The following HMGCLL1 variants were observed in gnomAD, a reference collection of about 807,000 sequenced individuals.
HMGCLL1 encodes the protein 3-hydroxy-3-methylglutaryl-CoA lyase like 1, also known as 3-hydroxymethyl-3-methylglutaryl-CoA lyase, cytoplasmic.
In HMGCLL1, 36 loss-of-function variants were observed where a neutral mutation model predicts 39.1. The observed-to-expected ratio is 0.92, with a 90% CI of 0.71 to 1.22. The LOEUF (loss-of-function observed/expected upper bound fraction) is 1.22. Ranked by LOEUF, HMGCLL1 falls within the 50% of genes most tolerant of loss-of-function variation. The probability of loss-of-function intolerance (pLI) is 0.00; values close to 1 mark genes in which losing one functional copy is unlikely to be tolerated. For synonymous variants in HMGCLL1, 149 were observed against 144.0 expected (o/e 1.03, Z -0.25); for missense variants, 451 against 416.5 (o/e 1.08, Z -0.72).
At chr6:55,514,372 A>C (rs2127436456) in intron 4 of HMGCLL1, among the ~76,000 whole-genome samples, 176 bp from the exon 5 acceptor site, 1 of 152,284 alleles carries the variant, frequency 6.6e-6, no homozygotes, top group South Asian at 2.1e-4. Context: ...ATGTAAAAAT[A>C]TTTTGTAATA....
chr6:55,512,420 T>C (rs112850610), intron 5 of HMGCLL1: 4 of 152,258 alleles, frequency 2.6e-5, no homozygotes, highest in African/African-American at 7.2e-5. Context: ...TCCTTTTTGA[T>C]TGTGGTTTTG....
the HMGCLL1 span, among the ~76,000 whole-genome samples, chr6:55,590,833 T>C: frequency 0.071 from 10,737 of 152,032 alleles, 441 homozygotes; most frequent in East Asian, 0.11. Context: ...TCATGCCAGT[T>C]CTCCAAGGGC....
chr6:55,678,476 T>C, the HMGCLL1 span, among the ~76,000 whole-genome samples: 9 of 152,086 alleles, frequency 5.9e-5, no homozygotes, highest in Admixed American at 2.0e-4. Flanking sequence ...TGACTGGAAG[T>C]GATGTAATAG....
intron 7 of HMGCLL1, among the ~76,000 whole-genome samples, chr6:55,489,396 T>A (rs1307156491): frequency 6.6e-6 from 1 of 151,770 alleles, no homozygotes; most frequent in Non-Finnish European, 1.5e-5. Flanking sequence ...GAAATTTCCA[T>A]CTCTTATGCC....
the HMGCLL1 span, among the ~76,000 whole-genome samples, chr6:55,651,714 C>A: frequency 6.6e-6 from 1 of 152,028 alleles, no homozygotes; most frequent in Non-Finnish European, 1.5e-5. Context: ...CCTAGGACCC[C>A]AGAGCACTTC....
chr6:55,502,491 T>G (rs13197720), intron 5 of HMGCLL1, among the ~76,000 whole-genome samples: 1 of 151,798 alleles, frequency 6.6e-6, no homozygotes, highest in South Asian at 2.1e-4. Context: ...CTACTAACCT[T>G]ACTTTTACAA....
chr6:55,581,926 A>G (rs1771993007), upstream of HMGCLL1, among the ~76,000 whole-genome samples: 1 of 152,172 alleles, frequency 6.6e-6, no homozygotes. Context: ...TATGTACAAA[A>G]GCATTCAATT....
At chr6:55,612,824 A>G in the HMGCLL1 span, among the ~76,000 whole-genome samples, 610 of 152,276 alleles carry the variant, frequency 4.0e-3, 5 homozygotes, top group Middle Eastern at 0.01. Context: ...ACTTAAATGT[A>G]AAACCCAAAA....
At chr6:55,650,090 C>CATATATATATACAT in the HMGCLL1 span, among the ~76,000 whole-genome samples, 1 of 52,300 alleles carries the variant, frequency 1.9e-5, no homozygotes, top group African/African-American at 6.8e-5. Context: ...CACACATATA[C>CATATATATATACAT]ATATATATAT....
intron 5 of HMGCLL1, among the ~76,000 whole-genome samples, chr6:55,506,559 C>T (rs906929824): frequency 1.8e-4 from 27 of 151,698 alleles, no homozygotes; most frequent in Admixed American, 2.6e-4. Flanking sequence ...TTGTGGGCCA[C>T]TCTGAATAAC....
chr6:55,577,058 T>G (rs1218443992), intron 1 of HMGCLL1: 1 of 1,613,694 alleles, frequency 6.2e-7, no homozygotes, highest in Non-Finnish European at 8.5e-7. Context: ...TAGATAGTGA[T>G]GGGGCATCTG....
chr6:55,590,789 T>C, the HMGCLL1 span, among the ~76,000 whole-genome samples: 1 of 151,986 alleles, frequency 6.6e-6, no homozygotes, highest in Admixed American at 6.6e-5. Flanking sequence ...AAAGTATTTA[T>C]TTTGAAATTC....
chr6:55,524,909 C>T (rs1039464490), intron 3 of HMGCLL1, among the ~76,000 whole-genome samples: 1 of 151,524 alleles, frequency 6.6e-6, no homozygotes, highest in East Asian at 1.9e-4. Flanking sequence ...GAGGAATAAA[C>T]TGTAACAGCA....
intron 5 of HMGCLL1, among the ~76,000 whole-genome samples, chr6:55,510,205 C>T (rs911761394): frequency 2.0e-5 from 3 of 151,760 alleles, no homozygotes; most frequent in South Asian, 2.1e-4. Context: ...AGGTTAATCA[C>T]GAATCAAATG....
the HMGCLL1 span, among the ~76,000 whole-genome samples, chr6:55,628,186 A>C: frequency 1.8e-4 from 12 of 66,034 alleles, no homozygotes; most frequent in Non-Finnish European, 3.4e-4. Context: ...TATATATATA[A>C]TATATATATA....
At chr6:55,614,565 C>T in the HMGCLL1 span, among the ~76,000 whole-genome samples, 1 of 152,122 alleles carries the variant, frequency 6.6e-6, no homozygotes, top group Non-Finnish European at 1.5e-5. Context: ...TAATTCTAAT[C>T]ACATGCACAT....
the HMGCLL1 span, among the ~76,000 whole-genome samples, chr6:55,629,449 T>C: frequency 6.6e-6 from 1 of 152,160 alleles, no homozygotes; most frequent in African/African-American, 2.4e-5. Context: ...GCATAAAAGT[T>C]CAGAACATTT....
At chr6:55,552,786 AGTTT>A (rs1409006966) in intron 1 of HMGCLL1, among the ~76,000 whole-genome samples, 1 of 151,970 alleles carries the variant, frequency 6.6e-6, no homozygotes, top group African/African-American at 2.4e-5. Flanking sequence ...ATAAAGCATT[AGTTT>A]ATTTAGCAGC....
At chr6:55,614,758 A>G in the HMGCLL1 span, among the ~76,000 whole-genome samples, 1 of 152,098 alleles carries the variant, frequency 6.6e-6, no homozygotes, top group East Asian at 1.9e-4. Context: ...CTAGCATTTA[A>G]TCTTAAAGTT....
Sources: gnomAD v4.1 joint callset for allele counts (sites outside exome capture counted in the v4.1 genomes callset) on GRCh38, gnomAD v4.1.1 for gene constraint, MANE v1.5 for transcripts, NCBI Gene and HGNC (gene_info 2026-07-23, HGNC 2026-07-21) for gene names.